C2orf72: variants seen among roughly 807,000 people sequenced by gnomAD.
C2orf72 encodes the protein chromosome 2 open reading frame 72, also known as uncharacterized protein C2orf72.
A neutral mutation model predicts 14.4 loss-of-function variants in C2orf72; 16 were observed. That is an observed-to-expected ratio of 1.11 (90% CI 0.75 to 1.69). C2orf72 has a LOEUF of 1.69. C2orf72 is among the 40% of genes most tolerant of loss of function. The pLI is 0.00. For synonymous variants in C2orf72, 168 were observed against 176.8 expected (o/e 0.95, Z 0.40); for missense variants, 371 against 358.3 (o/e 1.04, Z -0.29).
chr2:231,041,412 G>A lies in C2orf72; in HGVS notation c.748+3G>A. The A allele has an allele frequency of 6.5e-7, 1 of 1,548,658 alleles. No homozygotes were observed. Among genetic ancestry groups the A allele is most frequent in the Non-Finnish European group, 8.7e-7 (1 of 1,144,714 alleles). ...TGCCTGCAGAAGCTCAGCTCAGGGTGAGTGCTCCCCGACCTCCTGCATCCT... is the reference window on the plus strand; with the variant it reads ...TGCCTGCAGAAGCTCAGCTCAGGGTAAGTGCTCCCCGACCTCCTGCATCCT... On this transcript the variant is annotated splice_donor_region_variant and intron_variant, in intron 2 of 2. Coordinates refer to ENST00000373640, the MANE Select transcript of C2orf72 (RefSeq NM_001144994.2).
chr2:231,047,236 T>C lies in C2orf72; in HGVS notation c.*215T>C, dbSNP rs1693430512. 3 of 680,712 alleles carry C rather than the reference T, an allele frequency of 4.4e-6. No homozygotes were observed. The highest frequency in any genetic ancestry group is 4.7e-4 in the Middle Eastern group (2 of 4,238). The allele number at this position is 680,712 out of a possible 1,614,324, so 42.2% of individuals were successfully genotyped here. A position where few individuals can be genotyped will look rare whatever the true frequency, so the allele number is the denominator to read the frequency against. ...AACCTACTCCCCACCCAGCATTTGCTAAGTCTGATCACAGGGAGGTTATTT... is the reference window on the plus strand; with the variant it reads ...AACCTACTCCCCACCCAGCATTTGCCAAGTCTGATCACAGGGAGGTTATTT... On this transcript the variant is annotated 3_prime_UTR_variant, in exon 3 of 3. Transcript: ENST00000373640.
Position 231,038,147 on chromosome 2 carries a change from C to T in C2orf72, c.582C>T (p.Ala194=). 8 of 1,190,880 alleles carry T rather than the reference C, an allele frequency of 6.7e-6. No homozygotes were observed. The Middle Eastern group carries it at 1.0e-3, about 149-fold the overall frequency. The allele number at this position is 1,190,880 out of a possible 1,614,324, so 73.8% of individuals were successfully genotyped here. A position where few individuals can be genotyped will look rare whatever the true frequency, so the allele number is the denominator to read the frequency against. Residue 194 remains alanine (A), a synonymous_variant, in exon 1 of 3, where the codon GCC becomes GCT. Transcript: ENST00000373640. ...YCPGLPASCL[A]VQAAACRALQ... The stretch of plus-strand genomic sequence containing the variant: ...CCGGCCTCCCGGCCTCCTGCCTGGC[C>T]GTCCAGGCGGCCGCCTGCAGGGCCC...
chr2:231,042,272 C>T (rs780744343), intron 2 of C2orf72, among the ~76,000 whole-genome samples: 5 of 152,158 alleles, frequency 3.3e-5, no homozygotes, highest in South Asian at 4.1e-4. Context: ...CTGATCCCCC[C>T]CTTATCCACG....
chr2:231,042,627 G>T (rs1693358925), intron 2 of C2orf72, among the ~76,000 whole-genome samples: 1 of 152,192 alleles, frequency 6.6e-6, no homozygotes, highest in South Asian at 2.1e-4. Context: ...ATGGATGGTG[G>T]TTCAAAATTA....
Position 231,039,171 on chromosome 2 carries a change from T to G in C2orf72, c.634+972T>G, listed in dbSNP as rs551711180. 4.6e-5 allele frequency among the ~76,000 whole-genome samples: 7 copies of G among 151,830 alleles called. No homozygotes were observed. In the South Asian group the frequency reaches 1.5e-3, roughly 32 times the overall value. On this transcript the variant is annotated intron_variant, in intron 1 of 2. Coordinates refer to ENST00000373640, the MANE Select transcript of C2orf72 (RefSeq NM_001144994.2). Reference sequence around the variant, plus strand: ...GGGAACATCACACACCAGGGACTGTTGTGGCGTAGGGGGAGGGAGGAGGGA... The same window carrying G: ...GGGAACATCACACACCAGGGACTGTGGTGGCGTAGGGGGAGGGAGGAGGGA...
At chr2:231,042,538 C>T (rs1212099272) in intron 2 of C2orf72, among the ~76,000 whole-genome samples, 3 of 152,170 alleles carry the variant, frequency 2.0e-5, no homozygotes, top group South Asian at 2.1e-4. Flanking sequence ...CTACAGTACT[C>T]GGAAGCATGG....
In C2orf72 at chr2:231,038,038, C is replaced by G. The variant is rs1369590140; in HGVS notation, c.473C>G (p.Pro158Arg). ...AEAGPEDAVA[P>R]GLRLLEALLR... is the part of the protein sequence containing the mutation. ...GCCGGGCCAGAGGACGCGGTGGCGC[C>G]GGGGCTGCGGCTGCTGGAGGCGCTG... is the stretch of plus-strand genomic sequence containing the variant. Residue 158 changes from proline (P) to arginine (R), a missense_variant, in exon 1 of 3, where the codon CCG (proline) becomes CGG (arginine). This residue lies in a region of C2orf72 where 12 missense variants were observed against 30.2 expected (regional missense o/e 0.40). Coordinates refer to ENST00000373640, the MANE Select transcript of C2orf72 (RefSeq NM_001144994.2). 15 of 1,091,414 alleles carry G rather than the reference C, an allele frequency of 1.4e-5. No homozygotes were observed. Among genetic ancestry groups the G allele is most frequent in the Middle Eastern group, 8.0e-4 (2 of 2,510 alleles). The allele number at this position is 1,091,414 out of a possible 1,614,324, so 67.6% of individuals were successfully genotyped here.
intron 1 of C2orf72, among the ~76,000 whole-genome samples, chr2:231,039,747 ATT>A (rs5839388): frequency 7.1e-5 from 10 of 141,220 alleles, no homozygotes; most frequent in East Asian, 2.0e-4. Flanking sequence ...GAGTGCATGC[ATT>A]TTTTTTTTTT....
At chr2:231,040,330 C>A (rs1693324496) in intron 1 of C2orf72, among the ~76,000 whole-genome samples, 1 of 152,180 alleles carries the variant, frequency 6.6e-6, no homozygotes, top group Admixed American at 6.5e-5. Context: ...TTCCTGATAC[C>A]CTGCCTGGCA....
intron 1 of C2orf72, among the ~76,000 whole-genome samples, chr2:231,039,571 C>T (rs1317887515): frequency 6.6e-6 from 1 of 152,158 alleles, no homozygotes; most frequent in Non-Finnish European, 1.5e-5. Context: ...ATTCACCTGC[C>T]AGCCTGGCCT....
rs552977670 is a variant in C2orf72 at position 231,045,061 on chromosome 2, C to T, written c.749-1821C>T. On this transcript the variant is annotated intron_variant, in intron 2 of 2. Transcript: ENST00000373640. ...GCGGATCACCTGAAGTCAGGAGTTCCAGACCAGCCTGGCCCACATGGTGAA... is the reference window on the plus strand; with the variant it reads ...GCGGATCACCTGAAGTCAGGAGTTCTAGACCAGCCTGGCCCACATGGTGAA... Among the ~76,000 whole-genome samples the T allele has an allele frequency of 1.2e-3, 182 of 151,244 alleles. 2 individuals are homozygous for T. Among genetic ancestry groups the T allele is most frequent in the African/African-American group, 4.1e-3 (170 of 41,266 alleles).
intron 2 of C2orf72, among the ~76,000 whole-genome samples, chr2:231,043,251 G>A (rs1012291655): frequency 1.3e-5 from 2 of 152,144 alleles, no homozygotes; most frequent in Non-Finnish European, 2.9e-5. Flanking sequence ...CATTGCATTT[G>A]TCAGAGAGAC....
rs1027958593 is a variant in C2orf72 at position 231,048,160 on chromosome 2, G to A, written c.*1139G>A. 1.3e-5 allele frequency: 2 copies of A among 152,214 alleles called. No individual in the cohort carries two copies. The highest frequency in any genetic ancestry group is 2.4e-5 in the African/African-American group (1 of 41,448). 9.4% of individuals were successfully genotyped at this position (152,214 alleles called of 1,614,324 possible). ...GTTCCCTTAGAGCTGGGAAATCCAT[G>A]TGTTTATTCACGGAGGGAACTCACC... On this transcript the variant is annotated 3_prime_UTR_variant, in exon 3 of 3. Transcript: ENST00000373640.
At chr2:231,045,156 C>T (rs775393821) in intron 2 of C2orf72, among the ~76,000 whole-genome samples, 2 of 151,620 alleles carry the variant, frequency 1.3e-5, no homozygotes, top group Non-Finnish European at 2.9e-5. Context: ...CTCAGCTACT[C>T]GGGAGGCTGA....
Position 231,041,511 on chromosome 2 carries a change from C to G in C2orf72, c.748+102C>G, listed in dbSNP as rs1010234638. Reference sequence around the variant, plus strand: ...CCTTAGGGACAGAGTGGACCAACATCTATGGAGTGCTTGCCATGTGCCAGG... The same window carrying G: ...CCTTAGGGACAGAGTGGACCAACATGTATGGAGTGCTTGCCATGTGCCAGG... On this transcript the variant is annotated intron_variant, in intron 2 of 2. Transcript: ENST00000373640. 71 of 804,546 alleles carry G rather than the reference C, an allele frequency of 8.8e-5. No individual in the cohort carries two copies. The African/African-American group carries it at 1.1e-3, about 13-fold the overall frequency. 49.8% of individuals were successfully genotyped at this position (804,546 alleles called of 1,614,324 possible). A position where few individuals can be genotyped will look rare whatever the true frequency, so the allele number is the denominator to read the frequency against.
rs370579631 is a variant in C2orf72 at position 231,046,990 on chromosome 2, C to T, written c.857C>T (p.Thr286Ile). ...GSKACDGVVH[T>I]PAEPTGDSR is the part of the protein sequence containing the mutation. ...AAAGCCTGTGATGGAGTCGTACACA[C>T]TCCTGCTGAGCCCACCGGAGACTCA... The change falls in exon 3 of 3, where the codon ACT becomes ATT. Residue 286 changes from threonine (T) to isoleucine (I), a missense_variant. Physicochemically the swap from Thr to Ile is moderately conservative, Grantham distance 89. Coordinates refer to ENST00000373640, the MANE Select transcript of C2orf72 (RefSeq NM_001144994.2). 8 of 1,551,584 alleles carry T rather than the reference C, an allele frequency of 5.2e-6. No homozygotes were observed. In the African/African-American group the frequency reaches 1.1e-4, roughly 21 times the overall value.
rs1479380012 is a variant in C2orf72 at position 231,049,273 on chromosome 2, A to G, written c.*2252A>G. On this transcript the variant is annotated 3_prime_UTR_variant, in exon 3 of 3. Coordinates refer to ENST00000373640, the MANE Select transcript of C2orf72 (RefSeq NM_001144994.2). Reference sequence around the variant, plus strand: ...TTCATTACCTTCAGTATTCCTGTGAATGGTTCAAGAGAGAAAGTCTTCATT... The same window carrying G: ...TTCATTACCTTCAGTATTCCTGTGAGTGGTTCAAGAGAGAAAGTCTTCATT... The G allele has an allele frequency of 6.6e-6, 1 of 152,174 alleles. No individual in the cohort carries two copies. The highest frequency in any genetic ancestry group is 2.4e-5 in the African/African-American group (1 of 41,422). 9.4% of individuals were successfully genotyped at this position (152,174 alleles called of 1,614,324 possible). A position where few individuals can be genotyped will look rare whatever the true frequency, so the allele number is the denominator to read the frequency against.
chr2:231,047,258 A>C lies in C2orf72; in HGVS notation c.*237A>C. ...TGCTAAGTCTGATCACAGGGAGGTT[A>C]TTTTGTCTCTCTGTCTCGGTTTCTC... is the stretch of plus-strand genomic sequence containing the variant. On this transcript the variant is annotated 3_prime_UTR_variant, in exon 3 of 3. Transcript: ENST00000373640. The C allele has an allele frequency of 1.6e-6, 1 of 623,694 alleles. No homozygotes were observed. The highest frequency in any genetic ancestry group is 3.0e-6 in the Non-Finnish European group (1 of 338,134). The allele number at this position is 623,694 out of a possible 1,614,324, so 38.6% of individuals were successfully genotyped here. A position where few individuals can be genotyped will look rare whatever the true frequency, so the allele number is the denominator to read the frequency against.
At chr2:231,041,182 A>G (rs1194443691) in intron 1 of C2orf72, 114 bp from the exon 2 acceptor site, 8 of 696,606 alleles carry the variant, frequency 1.1e-5, no homozygotes, top group Non-Finnish European at 1.8e-5. Context: ...TTAATCAGAC[A>G]GTTGAAACTA....
Sources: gnomAD v4.1 joint callset for allele counts (sites outside exome capture counted in the v4.1 genomes callset) on GRCh38, gnomAD v4.1.1 for gene constraint, gnomAD v4.1.1 regional missense constraint, MANE v1.5 for transcripts, NCBI Gene and HGNC (gene_info 2026-07-23, HGNC 2026-07-21) for gene names.